Variants in NALCN observed in about 807,000 individuals in gnomAD.
The protein encoded by NALCN is sodium leak channel, non-selective.
NALCN carries 111 observed loss-of-function variants against 225.3 expected under a neutral mutation model. That is an observed-to-expected ratio of 0.49 (90% CI 0.42 to 0.58). The LOEUF (loss-of-function observed/expected upper bound fraction) is 0.58. NALCN is among the 20% of genes least tolerant of loss of function. The pLI is 0.00. For missense variants in NALCN, 1,378 were observed against 2,202.4 expected (o/e 0.63, Z 7.49); for synonymous variants, 764 against 769.0 (o/e 0.99, Z 0.11).
At chr13:101,151,025 A>G (rs570963183) in intron 15 of NALCN, among the ~76,000 whole-genome samples, 1 of 152,334 alleles carries the variant, frequency 6.6e-6, no homozygotes, top group Non-Finnish European at 1.5e-5. Context: ...TCACACATTC[A>G]CATGGTAAAG....
intron 2 of NALCN, among the ~76,000 whole-genome samples, chr13:101,398,128 A>G (rs2047368715): frequency 6.6e-6 from 1 of 152,204 alleles, no homozygotes. Context: ...ACACTAACGT[A>G]TTTTAATTTG....
Position 101,247,406 on chromosome 13 carries a change from G to A in NALCN, c.1267-9484C>T, listed in dbSNP as rs142740739. On this transcript the variant is annotated intron_variant, in intron 11 of 43. Coordinates refer to ENST00000251127, the MANE Select transcript of NALCN (RefSeq NM_052867.4). ...CTGGCTCTGGATGGTAGGGTCCAGG[G>A]TCAAGGTTAAGGCAACTGCAATATC... Among the ~76,000 whole-genome samples the A allele has an allele frequency of 3.4e-3, 518 of 152,272 alleles. 1 individual carries two copies. The highest frequency in any genetic ancestry group is 4.9e-3 in the Non-Finnish European group (333 of 68,020).
chr13:101,067,334 A>AGAGGAGGGGGAG (rs2032501415), intron 39 of NALCN, among the ~76,000 whole-genome samples: 1 of 53,532 alleles, frequency 1.9e-5, no homozygotes, highest in African/African-American at 8.6e-5. Context: ...AGGAGGGGGA[A>AGAGGAGGGGGAG]GAAGAGGGGG....
At chr13:101,188,236 G>A (rs1212290873) in intron 14 of NALCN, among the ~76,000 whole-genome samples, 4 of 152,128 alleles carry the variant, frequency 2.6e-5, no homozygotes, top group Non-Finnish European at 5.9e-5. Context: ...GCTTCATGTG[G>A]AGTAAGATAA....
intron 1 of NALCN, among the ~76,000 whole-genome samples, chr13:101,415,223 A>ATATATATATATATATATATG (rs2047905826): frequency 1.3e-5 from 1 of 77,696 alleles, no homozygotes; most frequent in African/African-American, 8.1e-5. Context: ...ATATATATAT[A>ATATATATATATATATATATG]TACATACATA....
At chr13:101,081,455 T>C (rs2033645225) in intron 34 of NALCN, 72 bp downstream of exon 34, 2 of 1,599,060 alleles carry the variant, frequency 1.3e-6, no homozygotes, top group Non-Finnish European at 1.7e-6. Flanking sequence ...AAAATGAGAC[T>C]GGAAACAGGA....
intron 10 of NALCN, 38 bp from the exon 11 acceptor site, chr13:101,258,612 T>C: frequency 6.2e-7 from 1 of 1,613,250 alleles, no homozygotes; most frequent in Non-Finnish European, 8.5e-7. Context: ...AACAAAGAAA[T>C]AAACCTCATG....
chr13:101,060,268 G>GTTT (rs1448927684), intron 41 of NALCN, among the ~76,000 whole-genome samples: 2 of 68,384 alleles, frequency 2.9e-5, no homozygotes, highest in African/African-American at 1.2e-4. Context: ...TGTTGTTGGT[G>GTTT]TTTTCTGTTT....
At position 101,089,778 on chromosome 13, in the gene NALCN, AT is replaced by A. The variant is rs1191742289; in HGVS notation, c.3391-18del. On this transcript the variant is annotated intron_variant, in intron 29 of 43. Coordinates refer to ENST00000251127, the MANE Select transcript of NALCN (RefSeq NM_052867.4). This position sits in a 1 kb window ranked among gnomAD's most constrained non-coding sequence, Gnocchi z 4.7. Reference sequence around the variant, plus strand: ...TCCATGGATCTGCATAAAGGAAAATATGGTTATTCATCAAAACAAATGAAAG... The same window carrying A: ...TCCATGGATCTGCATAAAGGAAAATAGGTTATTCATCAAAACAAATGAAAG... 1 of 1,613,972 alleles carries A rather than the reference AT, an allele frequency of 6.2e-7. No individual in the cohort carries two copies. The highest frequency in any genetic ancestry group is 1.7e-5 in the Admixed American group (1 of 60,012).
chr13:101,117,360 C>G (rs1463189603), intron 18 of NALCN, among the ~76,000 whole-genome samples: 3 of 152,330 alleles, frequency 2.0e-5, no homozygotes, highest in Non-Finnish European at 4.4e-5. Context: ...CACTGGGCTT[C>G]AAATTTAGTA....
chr13:101,348,705 A>G (rs1265312467), intron 6 of NALCN, among the ~76,000 whole-genome samples: 10 of 151,946 alleles, frequency 6.6e-5, no homozygotes, highest in Non-Finnish European at 1.5e-5. Context: ...TTTAAGCACA[A>G]CTCTCACTAG....
chr13:101,332,180 G>A (rs66953197), intron 7 of NALCN, among the ~76,000 whole-genome samples: 12,671 of 151,954 alleles, frequency 0.083, 701 homozygotes, highest in African/African-American at 0.15. Context: ...AGAGAGAATG[G>A]AGAAGAGAGC....
chr13:101,178,699 G>A (rs897240287), intron 14 of NALCN, among the ~76,000 whole-genome samples: 1 of 152,190 alleles, frequency 6.6e-6, no homozygotes, highest in Non-Finnish European at 1.5e-5. Flanking sequence ...AGCTCCCACA[G>A]ATGGCCACCC....
At chr13:101,097,928 A>G (rs952868072) in intron 27 of NALCN, among the ~76,000 whole-genome samples, 4 of 152,190 alleles carry the variant, frequency 2.6e-5, no homozygotes, top group African/African-American at 9.7e-5. Flanking sequence ...TCTTCATAAT[A>G]TCATTGTGTG....
Position 101,171,748 on chromosome 13 carries a change from A to C in NALCN, c.1839+4552T>G, listed in dbSNP as rs565013030. On this transcript the variant is annotated intron_variant, in intron 15 of 43. Coordinates refer to ENST00000251127, the MANE Select transcript of NALCN (RefSeq NM_052867.4). Reference sequence around the variant, plus strand: ...GATGTCTTGGAGAGGCGGTGATGGGAATAAACACACCAGAGCCTCTCAAAA... The same window carrying C: ...GATGTCTTGGAGAGGCGGTGATGGGCATAAACACACCAGAGCCTCTCAAAA... Among the ~76,000 whole-genome samples, 6 of 152,276 alleles carry C rather than the reference A, an allele frequency of 3.9e-5. No homozygotes were observed. In the East Asian group the frequency reaches 9.6e-4, roughly 24 times the overall value.
intron 18 of NALCN, chr13:101,116,467 T>G: frequency 2.0e-6 from 1 of 512,278 alleles, no homozygotes; most frequent in Non-Finnish European, 3.9e-6. Context: ...GGAGCTTTAT[T>G]AGCCTTTAAA....
At chr13:101,167,836 C>CA (rs1202439851) in intron 15 of NALCN, among the ~76,000 whole-genome samples, 14,237 of 119,124 alleles carry the variant, frequency 0.12, 1,088 homozygotes, top group East Asian at 0.43. Flanking sequence ...GAGACTCTGT[C>CA]AAAAAAAAAC....
intron 30 of NALCN, 44 bp from the exon 31 acceptor site, chr13:101,083,848 C>A: frequency 6.3e-7 from 1 of 1,583,454 alleles, no homozygotes; most frequent in Non-Finnish European, 8.6e-7. Context: ...TTGTCATGTG[C>A]TTGCACCAAG....
At chr13:101,279,735 T>A (rs2043087838) in intron 10 of NALCN, among the ~76,000 whole-genome samples, 1 of 148,558 alleles carries the variant, frequency 6.7e-6, no homozygotes, top group Non-Finnish European at 1.5e-5. Context: ...GAGAATGGCG[T>A]GAACCCGGGA....
Sources: allele counts gnomAD v4.1 joint callset (sites outside exome capture counted in the v4.1 genomes callset), GRCh38; gene constraint gnomAD v4.1.1; non-coding constraint Gnocchi (gnomAD v3.1); transcripts MANE v1.5; gene names NCBI Gene and HGNC (gene_info 2026-07-23, HGNC 2026-07-21).